The following DLGAP5 variants were observed in gnomAD, a reference collection of about 807,000 sequenced individuals.
The protein encoded by DLGAP5 is disks large-associated protein 5.
In DLGAP5, 90 loss-of-function variants were observed where a neutral mutation model predicts 99.6. That is an observed-to-expected ratio of 0.90 (90% CI 0.76 to 1.08). DLGAP5 has a LOEUF of 1.08. Ranked by LOEUF, DLGAP5 falls within the 50% of genes least tolerant of loss-of-function variation. The pLI is 0.00. For missense variants in DLGAP5, 1,036 were observed against 983.5 expected, an observed-to-expected ratio of 1.05 and a Z score of -0.71; for synonymous variants, 311 against 321.3, an observed-to-expected ratio of 0.97 and a Z score of 0.34.
Position 55,183,560 on chromosome 14 carries a change from C to A in DLGAP5, c.432G>T (p.Lys144Asn). Residue 144 changes from lysine to asparagine, a missense_variant and splice_region_variant, in exon 3 of 19, where the codon AAG becomes AAT. Coordinates refer to ENST00000247191, the MANE Select transcript of DLGAP5 (RefSeq NM_014750.5). ...NQNAVKAEPK[K>N]AIPSSVRITR... ...CTTTATATTAAGACACTAAATTTAC[C>A]TTTTTTGGCTCAGCTTTCACAGCAT... 3 of 1,537,682 alleles carry A rather than the reference C, an allele frequency of 2.0e-6. No homozygotes were observed. Among genetic ancestry groups the A allele is most frequent in the South Asian group, 1.3e-5 (1 of 79,082 alleles).
Position 55,182,364 on chromosome 14 carries a change from C to G in DLGAP5, c.495+6G>C. On this transcript the variant is annotated splice_donor_region_variant and intron_variant, in intron 4 of 18. Coordinates refer to ENST00000247191, the MANE Select transcript of DLGAP5 (RefSeq NM_014750.5). ...TTTAGTAACAATTATCTACTATCAA[C>G]TATACCTTAGTCTGCTCCATTTGGT... The G allele has an allele frequency of 6.2e-7, 1 of 1,607,170 alleles. No individual in the cohort carries two copies. Among genetic ancestry groups the G allele is most frequent in the Non-Finnish European group, 8.5e-7 (1 of 1,177,266 alleles).
intron 8 of DLGAP5, 61 bp from the exon 9 acceptor site, chr14:55,176,079 G>C: frequency 1.4e-6 from 2 of 1,419,158 alleles, no homozygotes; most frequent in Non-Finnish European, 1.9e-6. Context: ...TAATATAAAG[G>C]GTTTCAAAAT....
In DLGAP5 at chr14:55,170,763, CT is replaced by C. The variant is rs1192023310; in HGVS notation, c.1325del (p.Glu442GlyfsTer3). On this transcript the variant is annotated frameshift_variant, in exon 11 of 19. Transcript: ENST00000247191. LOFTEE classifies it high-confidence loss of function. ...YFRNILQSET[E>X]KLTSHCFEWD... The stretch of plus-strand genomic sequence containing the variant: ...ACTCGAAGCAATGTGAAGTTAATTT[CT>C]CAGTTTCTGACTGGAGGATATTTCT... The C allele has an allele frequency of 6.2e-7, 1 of 1,613,640 alleles. No homozygotes were observed. The highest frequency in any genetic ancestry group is 1.7e-5 in the Admixed American group (1 of 60,018).
chr14:55,162,932 TA>T (rs752014944), intron 13 of DLGAP5, 38 bp downstream of exon 13: 102,458 of 892,164 alleles, frequency 0.11, no homozygotes, highest in South Asian at 0.15. Flanking sequence ...GTTCCTTAAC[TA>T]AAAAAAAAAA....
At chr14:55,170,298 T>C (rs1286524182) in intron 11 of DLGAP5, among the ~76,000 whole-genome samples, 1 of 151,038 alleles carries the variant, frequency 6.6e-6, no homozygotes, top group East Asian at 1.9e-4. Context: ...ATCTTTTCCA[T>C]ATTGATTTAG....
intron 7 of DLGAP5, among the ~76,000 whole-genome samples, chr14:55,178,280 T>G (rs1416853341): frequency 6.6e-6 from 1 of 152,012 alleles, no homozygotes; most frequent in Non-Finnish European, 1.5e-5. Context: ...ATAATTACAA[T>G]GGTTTAAAAT....
chr14:55,188,962 T>C lies in DLGAP5; in HGVS notation c.218A>G (p.Glu73Gly). 2 of 1,613,314 alleles carry C rather than the reference T, an allele frequency of 1.2e-6. No individual in the cohort carries two copies. Among genetic ancestry groups the C allele is most frequent in the Non-Finnish European group, 1.7e-6 (2 of 1,179,832 alleles). The change falls in exon 2 of 19, where the codon GAA becomes GGA. Residue 73 changes from glutamate (E) to glycine (G), a missense_variant. By Grantham distance (98) the Glu-to-Gly change is moderately conservative. Transcript: ENST00000247191. ...LDETSQGLVPEKTNVKPRAMK... is the reference protein window; with the variant it reads ...LDETSQGLVPGKTNVKPRAMK... ...CTTACTTGGCTTAACATTGGTCTTT[T>C]CTGGAACAAGCCCTTGAGATGTCTC...
chr14:55,181,097 A>C, intron 5 of DLGAP5, 116 bp downstream of exon 5: 1 of 1,026,996 alleles, frequency 9.7e-7, no homozygotes. Context: ...CCTGGGCAAC[A>C]GAGCAAGACT....
In DLGAP5 at chr14:55,177,317, T is replaced by A. The variant is rs1379492998; in HGVS notation, c.794A>T (p.Asp265Val). ...TGAATTCAAAGTATTTTCTTCACTA[T>A]CGACTTTACAAGAAATACCCTAGGA... ...KPDKGISCKV[D>V]SEENTLNSQT... Residue 265 changes from aspartate to valine, a missense_variant, in exon 8 of 19, where the codon GAT becomes GTT. Coordinates refer to ENST00000247191, the MANE Select transcript of DLGAP5 (RefSeq NM_014750.5). 3.1e-6 allele frequency: 5 copies of A among 1,602,896 alleles called. No homozygotes were observed. Among genetic ancestry groups the A allele is most frequent in the Non-Finnish European group, 4.3e-6 (5 of 1,175,816 alleles).
chr14:55,165,533 A>AAC (rs1882607301), intron 12 of DLGAP5, among the ~76,000 whole-genome samples: 1 of 151,844 alleles, frequency 6.6e-6, no homozygotes, highest in Non-Finnish European at 1.5e-5. Flanking sequence ...TAAAAAACAA[A>AAC]AAAAAAAACC....
chr14:55,169,222 G>T (rs1017232708), intron 12 of DLGAP5, among the ~76,000 whole-genome samples, 177 bp downstream of exon 12: 1 of 144,282 alleles, frequency 6.9e-6, no homozygotes, highest in Non-Finnish European at 1.5e-5. Flanking sequence ...TATGGGAGAA[G>T]AGGACATCAG....
chr14:55,176,168 A>C, intron 8 of DLGAP5, 150 bp from the exon 9 acceptor site: 1 of 593,788 alleles, frequency 1.7e-6, no homozygotes, highest in South Asian at 3.2e-5. Context: ...GAGAAAATGT[A>C]AACACCTATA....
chr14:55,189,033 A>C lies in DLGAP5; in HGVS notation c.147T>G (p.Asp49Glu), dbSNP rs1249147055. Residue 49 changes from aspartate to glutamate, a missense_variant, in exon 2 of 19, where the codon GAT (aspartate) becomes GAG (glutamate). Asp to Glu is a conservative substitution (Grantham distance 45). Transcript: ENST00000247191. ...YERNRHFGLKDVNIPTLEGRI... is the reference protein window; with the variant it reads ...YERNRHFGLKEVNIPTLEGRI... ...TACCTTCCAAGGTTGGAATGTTTAC[A>C]TCTTTCAAACCAAAGTGTCTATTTC... The C allele has an allele frequency of 6.2e-6, 10 of 1,613,990 alleles. No individual in the cohort carries two copies. Among genetic ancestry groups the C allele is most frequent in the Non-Finnish European group, 8.5e-6 (10 of 1,179,980 alleles).
chr14:55,180,857 CA>C (rs11351178), intron 5 of DLGAP5, 79 bp from the exon 6 acceptor site: 713,083 of 1,566,252 alleles, frequency 0.46, 170,907 homozygotes, highest in African/African-American at 0.88. Context: ...CATGGTAGTG[CA>C]ATGCCTGTAG....
At chr14:55,170,980 G>A (rs1322839116) in intron 10 of DLGAP5, among the ~76,000 whole-genome samples, 193 bp from the exon 11 acceptor site, 2 of 152,174 alleles carry the variant, frequency 1.3e-5, no homozygotes, top group Admixed American at 1.3e-4. Flanking sequence ...CCCTTTGTAT[G>A]TACATCCTTT....
chr14:55,176,891 T>C (rs1594678907), intron 8 of DLGAP5, among the ~76,000 whole-genome samples, 171 bp downstream of exon 8: 1 of 135,092 alleles, frequency 7.4e-6, no homozygotes, highest in Non-Finnish European at 1.5e-5. Context: ...GGCAGAAGAA[T>C]GGCGTGAACC....
intron 2 of DLGAP5, among the ~76,000 whole-genome samples, chr14:55,186,509 C>T (rs1566509774): frequency 1.3e-5 from 2 of 152,156 alleles, no homozygotes; most frequent in Non-Finnish European, 2.9e-5. Flanking sequence ...ACAGATCCTC[C>T]TCCCCACTCT....
intron 3 of DLGAP5, among the ~76,000 whole-genome samples, chr14:55,182,809 T>C (rs143246356): frequency 3.9e-5 from 6 of 152,184 alleles, no homozygotes; most frequent in African/African-American, 1.2e-4. Flanking sequence ...TATATCCTTA[T>C]TGGAATGGTC....
In DLGAP5 at chr14:55,188,944, G is replaced by T. The variant is rs1376147205; in HGVS notation, c.236C>A (p.Pro79Gln). 2 of 1,609,836 alleles carry T rather than the reference G, an allele frequency of 1.2e-6. No homozygotes were observed. The highest frequency in any genetic ancestry group is 3.4e-5 in the Admixed American group (2 of 59,570). Residue 79 changes from proline (P) to glutamine (Q), a missense_variant and splice_region_variant, in exon 2 of 19, where the codon CCA becomes CAA. Physicochemically the swap from Pro to Gln is moderately conservative, Grantham distance 76. Transcript: ENST00000247191. ...AATTACAACAGACCTTTACTTACTT[G>T]GCTTAACATTGGTCTTTTCTGGAAC... is the stretch of plus-strand genomic sequence containing the variant. ...GLVPEKTNVK[P>Q]RAMKTILGDQ...
Sources: allele counts gnomAD v4.1 joint callset (sites outside exome capture counted in the v4.1 genomes callset), GRCh38; gene constraint gnomAD v4.1.1; transcripts MANE v1.5; gene names NCBI Gene and HGNC (gene_info 2026-07-23, HGNC 2026-07-21).